DRAM1: variants seen among roughly 807,000 people sequenced by gnomAD.
DRAM1 encodes the protein DNA damage regulated autophagy modulator 1.
DRAM1 carries 25 observed loss-of-function variants against 28.5 expected under a neutral mutation model. The ratio of observed to expected loss-of-function variants is 0.88; its 90% CI spans 0.64 to 1.23. DRAM1 has a LOEUF of 1.23. Among genes scored for constraint, DRAM1 ranks in the 50% most tolerant of loss-of-function variants. The pLI is 0.00. For missense variants in DRAM1, 249 were observed against 299.2 expected, an observed-to-expected ratio of 0.83 and a Z score of 1.24; for synonymous variants, 113 against 114.2, an observed-to-expected ratio of 0.99 and a Z score of 0.07.
At chr12:101,898,624 C>G (rs906714575) in intron 2 of DRAM1, among the ~76,000 whole-genome samples, 2 of 152,144 alleles carry the variant, frequency 1.3e-5, no homozygotes, top group South Asian at 2.1e-4. Context: ...GAAAAGTCAC[C>G]TGGAGTTCTC....
intron 1 of DRAM1, among the ~76,000 whole-genome samples, chr12:101,887,145 C>CAAAAA (rs10654713): frequency 0.14 from 17,767 of 128,600 alleles, 1,506 homozygotes; most frequent in East Asian, 0.23. Context: ...AACTCCGTTT[C>CAAAAA]AAAAAAAAAA....
chr12:101,902,984 G>A (rs1169485656), intron 3 of DRAM1, among the ~76,000 whole-genome samples: 2 of 151,578 alleles, frequency 1.3e-5, no homozygotes, highest in Non-Finnish European at 2.9e-5. Flanking sequence ...GTAGTGGCGC[G>A]ATCTCGGTTC....
intron 1 of DRAM1, among the ~76,000 whole-genome samples, chr12:101,878,968 G>A (rs1199964198): frequency 6.6e-6 from 1 of 151,354 alleles, no homozygotes; most frequent in Non-Finnish European, 1.5e-5. Flanking sequence ...AACAAAGATC[G>A]AGCAAGAGGG....
Position 101,882,108 on chromosome 12 carries a change from T to TTTTTTC in DRAM1, c.131+4193_131+4194insCTTTTT, listed in dbSNP as rs1491217423. 5.0e-4 allele frequency among the ~76,000 whole-genome samples: 7 copies of TTTTTTC among 13,890 alleles called. No individual in the cohort carries two copies. The African/African-American group carries it at 0.012, about 23-fold the overall frequency. The allele number at this position is 13,890 out of a possible 152,430, so 9.1% of individuals were successfully genotyped here. On this transcript the variant is annotated intron_variant, in intron 1 of 6. Coordinates refer to ENST00000258534, the MANE Select transcript of DRAM1 (RefSeq NM_018370.3). ...TTGTTCAGTCATTCTGATGGTCTAA[T>TTTTTTC]TTTTTTTTTTTTTTTTTTTTTTTTT...
At chr12:101,882,107 AT>A (rs78402038) in intron 1 of DRAM1, among the ~76,000 whole-genome samples, 87 of 129,566 alleles carry the variant, frequency 6.7e-4, no homozygotes, top group Admixed American at 1.9e-3. Flanking sequence ...TGATGGTCTA[AT>A]TTTTTTTTTT....
intron 1 of DRAM1, among the ~76,000 whole-genome samples, chr12:101,886,011 A>G (rs950663230): frequency 6.6e-6 from 1 of 152,222 alleles, no homozygotes; most frequent in Non-Finnish European, 1.5e-5. Context: ...AATTTGTGTC[A>G]TATGGTCCTG....
At position 101,908,212 on chromosome 12, in the gene DRAM1, C is replaced by T. The variant is rs528322922; in HGVS notation, c.369C>T (p.Asp123=). Residue 123 remains aspartate, a synonymous_variant, in exon 4 of 7, where the codon GAC becomes GAT. Coordinates refer to ENST00000258534, the MANE Select transcript of DRAM1 (RefSeq NM_018370.3). Reference sequence around the variant, plus strand: ...AGTTAGCTGTGCCAGTGGTTCATGACGGGGGCGCTCTTTTGGCCTTTGTCT... The same window carrying T: ...AGTTAGCTGTGCCAGTGGTTCATGATGGGGGCGCTCTTTTGGCCTTTGTCT... ...FQELAVPVVH[D]GGALLAFVCG... is the part of the protein sequence containing the mutation. 88 of 1,611,526 alleles carry T rather than the reference C, an allele frequency of 5.5e-5. No individual in the cohort carries two copies. Among genetic ancestry groups the T allele is most frequent in the African/African-American group, 1.1e-4 (8 of 74,766 alleles).
At chr12:101,887,220 C>G (rs1872919572) in intron 1 of DRAM1, among the ~76,000 whole-genome samples, 1 of 151,782 alleles carries the variant, frequency 6.6e-6, no homozygotes, top group African/African-American at 2.4e-5. Context: ...AAATTTGTAG[C>G]CTTTTTGGTA....
At chr12:101,908,505 C>A in intron 4 of DRAM1, 142 bp downstream of exon 4, 1 of 816,068 alleles carries the variant, frequency 1.2e-6, no homozygotes, top group Non-Finnish European at 1.9e-6. Flanking sequence ...ACTCTGAATA[C>A]AGCATTGGCA....
intron 1 of DRAM1, among the ~76,000 whole-genome samples, chr12:101,891,996 A>T (rs909904865): frequency 4.6e-5 from 7 of 152,318 alleles, no homozygotes; most frequent in East Asian, 1.9e-4. Context: ...GAGCTTAAAA[A>T]AAATAAATAA....
intron 1 of DRAM1, among the ~76,000 whole-genome samples, chr12:101,882,136 T>G (rs1872709264): frequency 9.3e-6 from 1 of 107,242 alleles, no homozygotes; most frequent in African/African-American, 3.9e-5. Flanking sequence ...TTTTTTTTTT[T>G]GAGACGGAGT....
At chr12:101,895,186 G>GTTTTTTTTTTTTTTGTTTTTTTTTTTT (rs1873301395) in intron 1 of DRAM1, among the ~76,000 whole-genome samples, 1 of 75,720 alleles carries the variant, frequency 1.3e-5, no homozygotes, top group Non-Finnish European at 2.3e-5. Context: ...AACCCTTCAG[G>GTTTTTTTTTTTTTTGTTTTTTTTTTTT]TTTTTTTTTT....
chr12:101,888,129 T>G (rs1024211715), intron 1 of DRAM1, among the ~76,000 whole-genome samples: 2 of 151,982 alleles, frequency 1.3e-5, no homozygotes, highest in Non-Finnish European at 2.9e-5. Flanking sequence ...AGAAAAGTAT[T>G]ATTATTATTA....
chr12:101,892,815 T>C (rs1594296517), intron 1 of DRAM1, among the ~76,000 whole-genome samples: 1 of 152,212 alleles, frequency 6.6e-6, no homozygotes, highest in East Asian at 1.9e-4. Context: ...ATCTGATAGA[T>C]TTGGGAATTT....
intron 5 of DRAM1, among the ~76,000 whole-genome samples, 185 bp downstream of exon 5, chr12:101,914,417 T>C (rs1874156387): frequency 6.6e-6 from 1 of 152,180 alleles, no homozygotes; most frequent in South Asian, 2.1e-4. Flanking sequence ...ATCAGGGTAA[T>C]TCCAAATGCT....
intron 4 of DRAM1, among the ~76,000 whole-genome samples, chr12:101,912,246 T>A (rs955854369): frequency 1.3e-5 from 2 of 152,162 alleles, no homozygotes; most frequent in African/African-American, 4.8e-5. Context: ...AAATTAAAAA[T>A]TACACATATT....
rs1265873384 is a variant in DRAM1, at chr12:101,921,800, T to A, written c.*540T>A. 1.3e-5 allele frequency: 2 copies of A among 152,848 alleles called. No homozygotes were observed. The highest frequency in any genetic ancestry group is 4.8e-5 in the African/African-American group (2 of 41,456). 9.5% of individuals were successfully genotyped at this position (152,848 alleles called of 1,614,324 possible). The stretch of plus-strand genomic sequence containing the variant: ...AGTTGATACATTAACACTAAGATAC[T>A]CTGATTTTTAGCCGAACTAAACAAA... On this transcript the variant is annotated 3_prime_UTR_variant, in exon 7 of 7. Transcript: ENST00000258534.
intron 5 of DRAM1, among the ~76,000 whole-genome samples, chr12:101,915,476 TGTA>T (rs1874202354): frequency 6.6e-6 from 1 of 151,534 alleles, no homozygotes; most frequent in Non-Finnish European, 1.5e-5. Context: ...TGTGCAAGGG[TGTA>T]GTGGCTGTAA....
rs1872554996 is a variant in DRAM1, at chr12:101,877,961, C to T, written c.131+41C>T. On this transcript the variant is annotated intron_variant, in intron 1 of 6. Transcript: ENST00000258534. This position sits in a 1 kb window ranked among gnomAD's most constrained non-coding sequence, Gnocchi z 4.1. ...GGCGTCAGGGCCCCAGGAGCAGGCA[C>T]AGGGACCACAGGGAGCGCTGCCGAC... The T allele has an allele frequency of 7.0e-7, 1 of 1,419,772 alleles. No individual in the cohort carries two copies. Among genetic ancestry groups the T allele is most frequent in the Non-Finnish European group, 9.3e-7 (1 of 1,072,286 alleles). The allele number at this position is 1,419,772 out of a possible 1,614,324, so 87.9% of individuals were successfully genotyped here.
Sources: gnomAD v4.1 joint callset for allele counts (sites outside exome capture counted in the v4.1 genomes callset) on GRCh38, gnomAD v4.1.1 for gene constraint, Gnocchi (gnomAD v3.1) non-coding constraint, MANE v1.5 for transcripts, NCBI Gene and HGNC (gene_info 2026-07-23, HGNC 2026-07-21) for gene names.